The following TXNL4A variants were observed in gnomAD, a reference collection of about 807,000 sequenced individuals.
TXNL4A encodes the protein thioredoxin-like protein 4A.
Under a neutral mutation model 14.6 loss-of-function variants are expected in TXNL4A, and 17 were observed. The observed-to-expected ratio is 1.16, with a 90% CI of 0.80 to 1.74. The LOEUF (loss-of-function observed/expected upper bound fraction) is 1.74, where lower values mean the gene tolerates loss of function less well. Ranked by LOEUF, TXNL4A falls within the 40% of genes most tolerant of loss-of-function variation. TXNL4A has a pLI of 0.00. For synonymous variants in TXNL4A, 83 were observed against 70.6 expected, an observed-to-expected ratio of 1.18 and a Z score of -0.88; for missense variants, 74 against 195.2, an observed-to-expected ratio of 0.38 and a Z score of 3.70.
intron 2 of TXNL4A, among the ~76,000 whole-genome samples, chr18:79,976,243 A>G (rs1330229911): frequency 6.6e-6 from 1 of 152,202 alleles, no homozygotes; most frequent in African/African-American, 2.4e-5. Context: ...CCATCTCAAT[A>G]AATAAATAAA....
At chr18:80,006,720 T>C (rs1052488844) in intron 1 of TXNL4A, among the ~76,000 whole-genome samples, 1 of 152,110 alleles carries the variant, frequency 6.6e-6, no homozygotes, top group African/African-American at 2.4e-5. Context: ...AAGAGAAAAG[T>C]TCCCTTGTGC....
At chr18:80,030,621 G>C (rs956779032) in intron 1 of TXNL4A, 9 of 152,122 alleles carry the variant, frequency 5.9e-5, no homozygotes, top group Non-Finnish European at 1.0e-4. Flanking sequence ...GAAACAGTTT[G>C]GTATCCTTCA....
At chr18:79,978,978 CCTGGT>C (rs1324433672) in intron 1 of TXNL4A, among the ~76,000 whole-genome samples, 2 of 151,174 alleles carry the variant, frequency 1.3e-5, no homozygotes, top group Non-Finnish European at 2.9e-5. Context: ...CGATCTGTCG[CCTGGT>C]CTGGAGTGCA....
At chr18:80,005,577 C>T (rs2145109118) in intron 1 of TXNL4A, among the ~76,000 whole-genome samples, 1 of 152,302 alleles carries the variant, frequency 6.6e-6, no homozygotes, top group South Asian at 2.1e-4. Flanking sequence ...TTCCTGGGAG[C>T]TTATAGCAGG....
In TXNL4A at chr18:79,977,581, A is replaced by G; in HGVS notation, c.257+17T>C. On this transcript the variant is annotated intron_variant, in intron 2 of 2. Coordinates refer to ENST00000269601, the MANE Select transcript of TXNL4A (RefSeq NM_006701.5). Reference sequence around the variant, plus strand: ...CTGACAATATTCAATTTCAGTAACAACTTTAAGATAACGTACCTGAAGAAA... The same window carrying G: ...CTGACAATATTCAATTTCAGTAACAGCTTTAAGATAACGTACCTGAAGAAA... The G allele has an allele frequency of 6.5e-7, 1 of 1,544,144 alleles. No homozygotes were observed. Among genetic ancestry groups the G allele is most frequent in the Non-Finnish European group, 8.9e-7 (1 of 1,127,414 alleles).
chr18:79,977,711 G>T lies in TXNL4A; in HGVS notation c.154-10C>A. 1.4e-6 allele frequency: 2 copies of T among 1,466,590 alleles called. No individual in the cohort carries two copies. The highest frequency in any genetic ancestry group is 1.4e-5 in the African/African-American group (1 of 69,740). The allele number at this position is 1,466,590 out of a possible 1,614,324, so 90.8% of individuals were successfully genotyped here. ...CTGCAAAATTTTTAACCTAAAAGGA[G>T]ATTAAAAAAAAAAACTGAAATAACA... On this transcript the variant is annotated splice_polypyrimidine_tract_variant and intron_variant, in intron 1 of 2. Coordinates refer to ENST00000269601, the MANE Select transcript of TXNL4A (RefSeq NM_006701.5).
chr18:79,985,813 T>C (rs753047470), intron 1 of TXNL4A: 1 of 152,236 alleles, frequency 6.6e-6, no homozygotes, highest in Non-Finnish European at 1.5e-5. Context: ...ACAGCTGGAA[T>C]ATCCAGACAG....
intron 2 of TXNL4A, chr18:79,976,685 C>T (rs1359183732): frequency 2.3e-6 from 1 of 429,954 alleles, no homozygotes; most frequent in Non-Finnish European, 4.6e-6. Flanking sequence ...AAAACTAACG[C>T]ATACCCTATA....
Position 79,988,422 on chromosome 18 carries a change from G to C in TXNL4A, c.-30C>G, listed in dbSNP as rs972780451. The C allele has an allele frequency of 4.3e-6, 6 of 1,406,694 alleles. 1 individual carries two copies. In the South Asian group the frequency reaches 8.9e-5, roughly 21 times the overall value. 87.1% of individuals were successfully genotyped at this position (1,406,694 alleles called of 1,614,324 possible). A position where few individuals can be genotyped will look rare whatever the true frequency, so the allele number is the denominator to read the frequency against. On this transcript the variant is annotated 5_prime_UTR_variant, in exon 1 of 3. Coordinates refer to ENST00000269601, the MANE Select transcript of TXNL4A (RefSeq NM_006701.5). ...GCCCGCGCGCTCGCCGCCGCCCAAG[G>C]CGGGGCGCCAGGGAGGGCCCAGCGA... is the stretch of plus-strand genomic sequence containing the variant.
At chr18:80,032,988 T>C (rs2051933479) in intron 1 of TXNL4A, among the ~76,000 whole-genome samples, 1 of 69,140 alleles carries the variant, frequency 1.4e-5, no homozygotes, top group Non-Finnish European at 3.2e-5. Flanking sequence ...CCTCTGCCCG[T>C]TTGTTTGTGA....
At chr18:80,031,316 C>T (rs1302143346) in intron 1 of TXNL4A, among the ~76,000 whole-genome samples, 2 of 152,136 alleles carry the variant, frequency 1.3e-5, no homozygotes, top group Non-Finnish European at 2.9e-5. Context: ...ACTGGCATGC[C>T]ACTGACTGGG....
chr18:80,009,695 G>C (rs760993559), intron 1 of TXNL4A, among the ~76,000 whole-genome samples: 1 of 152,208 alleles, frequency 6.6e-6, no homozygotes, highest in Non-Finnish European at 1.5e-5. Flanking sequence ...GGGCCAGGTC[G>C]GCAACTTGAG....
chr18:80,015,610 T>C (rs539085112), intron 1 of TXNL4A, among the ~76,000 whole-genome samples: 23 of 147,490 alleles, frequency 1.6e-4, no homozygotes, highest in African/African-American at 5.7e-4. Flanking sequence ...GAACATGCGG[T>C]GTTTGGTTTT....
Position 79,977,597 on chromosome 18 carries a change from C to T in TXNL4A, c.257+1G>A, listed in dbSNP as rs530980053. 6.3e-7 allele frequency: 1 copy of T among 1,595,270 alleles called. No homozygotes were observed. The highest frequency in any genetic ancestry group is 1.4e-5 in the African/African-American group (1 of 73,934). On this transcript the variant is annotated splice_donor_variant, in intron 2 of 2. Coordinates refer to ENST00000269601, the MANE Select transcript of TXNL4A (RefSeq NM_006701.5). LOFTEE classifies it high-confidence loss of function. ...TCAGTAACAACTTTAAGATAACGTA[C>T]CTGAAGAAAAACATGACAGTACATG...
chr18:80,021,154 G>A (rs1191483163), intron 1 of TXNL4A, among the ~76,000 whole-genome samples: 1 of 151,362 alleles, frequency 6.6e-6, no homozygotes, highest in Non-Finnish European at 1.5e-5. Flanking sequence ...CACTGTACAG[G>A]TTAACTAGTT....
chr18:79,987,208 G>A (rs921686166), intron 1 of TXNL4A, among the ~76,000 whole-genome samples: 2 of 152,220 alleles, frequency 1.3e-5, no homozygotes, highest in African/African-American at 4.8e-5. Flanking sequence ...CTCCAAGGGA[G>A]TCTTGTAATA....
At chr18:79,977,379 C>T in intron 2 of TXNL4A, 1 of 532,358 alleles carries the variant, frequency 1.9e-6, no homozygotes, top group South Asian at 2.9e-5. Context: ...AAAGTTATTT[C>T]AAAAGGGTAA....
At chr18:79,990,857 C>A (rs900777697), upstream of TXNL4A, among the ~76,000 whole-genome samples, 1 of 152,122 alleles carries the variant, frequency 6.6e-6, no homozygotes, top group African/African-American at 2.4e-5. Context: ...GTAATCCCAG[C>A]ACTTTGGGAG....
At chr18:80,027,847 A>C (rs1169912705) in intron 1 of TXNL4A, among the ~76,000 whole-genome samples, 1 of 152,214 alleles carries the variant, frequency 6.6e-6, no homozygotes, top group Non-Finnish European at 1.5e-5. Context: ...ATTAACCCTG[A>C]CAGAGTGAGA....
Sources: gnomAD v4.1 joint callset for allele counts (sites outside exome capture counted in the v4.1 genomes callset) on GRCh38, gnomAD v4.1.1 for gene constraint, MANE v1.5 for transcripts, NCBI Gene and HGNC (gene_info 2026-07-23, HGNC 2026-07-21) for gene names.